EIF2B5: variants seen among roughly 807,000 people sequenced by gnomAD.
EIF2B5 encodes translation initiation factor eIF2B subunit epsilon.
Under a neutral mutation model 87.3 loss-of-function variants are expected in EIF2B5, and 38 were observed. That is an observed-to-expected ratio of 0.44 (90% CI 0.34 to 0.57). EIF2B5 has a LOEUF of 0.57. EIF2B5 is among the 20% of genes least tolerant of loss of function. The pLI, the probability that EIF2B5 is intolerant of heterozygous loss-of-function variation, is 0.02. For missense variants in EIF2B5, 784 were observed against 909.5 expected (o/e 0.86, Z 1.78); for synonymous variants, 313 against 339.6 (o/e 0.92, Z 0.86).
chr3:184,137,011 A>G (rs1713392003), intron 2 of EIF2B5: 1 of 460,560 alleles, frequency 2.2e-6, no homozygotes, highest in African/African-American at 2.0e-5. Context: ...GCTTTTATTT[A>G]ATGGCTTCAG....
chr3:184,144,188 C>G lies in EIF2B5; in HGVS notation c.1959C>G (p.Phe653Leu). 6.2e-7 allele frequency: 1 copy of G among 1,614,200 alleles called. No homozygotes were observed. The highest frequency in any genetic ancestry group is 8.5e-7 in the Non-Finnish European group (1 of 1,180,046). ...LEALAAIEDF[F>L]LEHEALGISM... ...CGTTAGCAGCCATTGAGGACTTCTT[C>G]CTAGAGCATGAAGCTCTTGGTATTT... is the stretch of plus-strand genomic sequence containing the variant. The change falls in exon 14 of 16, where the codon TTC becomes TTG. Residue 653 changes from phenylalanine (F) to leucine (L), a missense_variant. Phe to Leu is a conservative substitution (Grantham distance 22, BLOSUM62 0). Transcript: ENST00000648915.
intron 5 of EIF2B5, chr3:184,138,976 T>C: frequency 4.2e-6 from 1 of 239,156 alleles, no homozygotes; most frequent in Non-Finnish European, 8.6e-6. Flanking sequence ...TTGTTGTTGT[T>C]ATTGTTGTTT....
At position 184,143,626 on chromosome 3, in the gene EIF2B5, G is replaced by C. The variant is rs952337509; in HGVS notation, c.1869+61G>C. ...GTACAGGCAAAGGAAATCAGGAGTA[G>C]ACTGTCTTGTTATATTGGGTGTATG... On this transcript the variant is annotated intron_variant, in intron 13 of 15. Coordinates refer to ENST00000648915, the MANE Select transcript of EIF2B5 (RefSeq NM_003907.3). 5 of 1,612,446 alleles carry C rather than the reference G, an allele frequency of 3.1e-6. 1 individual carries two copies. The African/African-American group carries it at 6.7e-5, about 22-fold the overall frequency.
At position 184,140,119 on chromosome 3, in the gene EIF2B5, C is replaced by A; in HGVS notation, c.805C>A (p.Arg269=). ...LFTDNFDYQT[R]DDFVRGLLVN... is the part of the protein sequence containing the mutation. ...TACAGACAACTTTGACTACCAAACT[C>A]GAGATGACTTTGTGCGAGGTCTCTT... The change falls in exon 6 of 16, where the codon CGA becomes AGA. Residue 269 remains arginine, a synonymous_variant. Coordinates refer to ENST00000648915, the MANE Select transcript of EIF2B5 (RefSeq NM_003907.3). 1.2e-6 allele frequency: 2 copies of A among 1,613,832 alleles called. No individual in the cohort carries two copies. Among genetic ancestry groups the A allele is most frequent in the African/African-American group, 1.3e-5 (1 of 74,988 alleles).
intron 11 of EIF2B5, 39 bp from the exon 12 acceptor site, chr3:184,143,013 T>G (rs759285579): frequency 6.2e-7 from 1 of 1,601,302 alleles, no homozygotes; most frequent in African/African-American, 1.3e-5. Flanking sequence ...GCATTCTGAA[T>G]GATGTTGGCC....
At chr3:184,138,906 AC>A in intron 5 of EIF2B5, 1 of 286,062 alleles carries the variant, frequency 3.5e-6, no homozygotes. Flanking sequence ...AAGCAATCTG[AC>A]CACCTCAGCC....
At chr3:184,139,528 G>C (rs1713526014) in intron 5 of EIF2B5, among the ~76,000 whole-genome samples, 1 of 150,446 alleles carries the variant, frequency 6.6e-6, no homozygotes, top group Admixed American at 6.6e-5. Flanking sequence ...TGATCTGCCT[G>C]CCTCGGCCTC....
Position 184,141,953 on chromosome 3 carries a change from C to A in EIF2B5, c.1185C>A (p.Tyr395Ter). The change falls in exon 8 of 16, where the codon TAC becomes TAA. Residue 395 changes from tyrosine to a stop codon, truncating the protein, a stop_gained. Transcript: ENST00000648915. LOFTEE classifies it high-confidence loss of function. Reference sequence around the variant, plus strand: ...ATAACGTGGTGCTGGACCAGACCTACCTGTGGCAGGGTGTTCGAGTGGCGG... The same window carrying A: ...ATAACGTGGTGCTGGACCAGACCTAACTGTGGCAGGGTGTTCGAGTGGCGG... ...IGDNVVLDQT[Y>*]LWQGVRVAAG... The A allele has an allele frequency of 6.2e-7, 1 of 1,614,118 alleles. No homozygotes were observed. Among genetic ancestry groups the A allele is most frequent in the Non-Finnish European group, 8.5e-7 (1 of 1,180,026 alleles).
chr3:184,135,475 G>A lies in EIF2B5; in HGVS notation c.90G>A (p.Gly30=). ...SGAGPGGSGG[G]GARGAEEEPP... ...CGGGGCCGGGAGGCAGCGGTGGCGG[G>A]GGAGCCAGAGGGGCGGAGGAGGAAC... is the stretch of plus-strand genomic sequence containing the variant. Residue 30 remains glycine, a synonymous_variant, in exon 1 of 16, where the codon GGG becomes GGA. Transcript: ENST00000648915. 1 of 1,579,574 alleles carries A rather than the reference G, an allele frequency of 6.3e-7. No individual in the cohort carries two copies. The highest frequency in any genetic ancestry group is 8.6e-7 in the Non-Finnish European group (1 of 1,163,580).
chr3:184,144,391 G>A (rs1471382300), intron 14 of EIF2B5, among the ~76,000 whole-genome samples, 167 bp downstream of exon 14: 1 of 152,210 alleles, frequency 6.6e-6, no homozygotes, highest in Admixed American at 6.5e-5. Context: ...TAATAAGGTA[G>A]CCATCTGGGG....
At chr3:184,135,862 A>G (rs1713328368) in intron 1 of EIF2B5, 1 of 539,770 alleles carries the variant, frequency 1.9e-6, no homozygotes, top group African/African-American at 1.9e-5. Flanking sequence ...GCGGGGATTC[A>G]GTGCCCCTAG....
At position 184,144,907 on chromosome 3, in the gene EIF2B5, A is replaced by G. The variant is rs1236299481; in HGVS notation, c.2130A>G (p.Leu710=). Residue 710 remains leucine (L), a synonymous_variant, in exon 16 of 16, where the codon CTA becomes CTG. Coordinates refer to ENST00000648915, the MANE Select transcript of EIF2B5 (RefSeq NM_003907.3). ...AGCTGCAGAGGTTCATCCAGTGGCT[A>G]AAAGAGGCAGAAGAGGAGTCATCTG... ...NQQLQRFIQW[L]KEAEEESSED... is the part of the protein sequence containing the mutation. 1 of 1,613,762 alleles carries G rather than the reference A, an allele frequency of 6.2e-7. No homozygotes were observed. The highest frequency in any genetic ancestry group is 8.5e-7 in the Non-Finnish European group (1 of 1,179,998).
chr3:184,144,088 T>C lies in EIF2B5; in HGVS notation c.1870-11T>C. On this transcript the variant is annotated splice_polypyrimidine_tract_variant and intron_variant, in intron 13 of 15. Transcript: ENST00000648915. Reference sequence around the variant, plus strand: ...TAGGAATATACTGCAGCTCCCTTCTTTCTTCCATAGCTGCTAAAGGCCTGG... The same window carrying C: ...TAGGAATATACTGCAGCTCCCTTCTCTCTTCCATAGCTGCTAAAGGCCTGG... 6.2e-7 allele frequency: 1 copy of C among 1,614,236 alleles called. No homozygotes were observed. The highest frequency in any genetic ancestry group is 8.5e-7 in the Non-Finnish European group (1 of 1,180,040).
At chr3:184,138,884 A>G (rs1243678471) in intron 5 of EIF2B5, 1 of 290,702 alleles carries the variant, frequency 3.4e-6, no homozygotes, top group Admixed American at 4.8e-5. Context: ...CTGGTCACGA[A>G]CTCCTGAGCT....
intron 6 of EIF2B5, 97 bp downstream of exon 6, chr3:184,140,254 G>T: frequency 3.5e-6 from 5 of 1,443,070 alleles, no homozygotes; most frequent in Non-Finnish European, 4.8e-6. Flanking sequence ...TTTTATTGAG[G>T]CTTAGGAGGG....
At position 184,144,685 on chromosome 3, in the gene EIF2B5, A is replaced by G. The variant is rs767025792; in HGVS notation, c.2084A>G (p.Gln695Arg). 1 of 1,614,112 alleles carries G rather than the reference A, an allele frequency of 6.2e-7. No homozygotes were observed. Among genetic ancestry groups the G allele is most frequent in the East Asian group, 2.2e-5 (1 of 44,884 alleles). ...CAAAGAGATACAACTGACAAGGGCCAGCAGTTGCGCAAGAATCAACAGGTG... is the reference window on the plus strand; with the variant it reads ...CAAAGAGATACAACTGACAAGGGCCGGCAGTTGCGCAAGAATCAACAGGTG... ...FSQRDTTDKG[Q>R]QLRKNQQLQR... is the part of the protein sequence containing the mutation. The change falls in exon 15 of 16, where the codon CAG (glutamine) becomes CGG (arginine). Residue 695 changes from glutamine (Q) to arginine (R), a missense_variant. Gln to Arg is a conservative substitution (Grantham distance 43). Around this residue, in one of 3 missense-constraint regions of EIF2B5, gnomAD observed 660 missense variants for 789.5 expected, o/e 0.84. Transcript: ENST00000648915.
In EIF2B5 at chr3:184,142,688, T is replaced by C. The variant is rs545089904; in HGVS notation, c.1546+85T>C. 20 of 1,551,776 alleles carry C rather than the reference T, an allele frequency of 1.3e-5. No individual in the cohort carries two copies. In the East Asian group the frequency reaches 4.6e-4, roughly 36 times the overall value. ...GAATACTTCAGAGTCACATTACTTATTCACTCCTTTATTCAGGCAGACAGG... is the reference window on the plus strand; with the variant it reads ...GAATACTTCAGAGTCACATTACTTACTCACTCCTTTATTCAGGCAGACAGG... On this transcript the variant is annotated intron_variant, in intron 10 of 15. Transcript: ENST00000648915. The surrounding 1 kb of genome is among the most constrained non-coding windows in gnomAD (Gnocchi z 5.0).
In EIF2B5 at chr3:184,135,501, C is replaced by T. The variant is rs1434059701; in HGVS notation, c.116C>T (p.Pro39Leu). ...GGGARGAEEEPPPPLQAVLVA... is the reference protein window; with the variant it reads ...GGGARGAEEELPPPLQAVLVA... ...GGAGCCAGAGGGGCGGAGGAGGAACCGCCGCCGCCCCTACAAGCAGTTCTG... is the reference window on the plus strand; with the variant it reads ...GGAGCCAGAGGGGCGGAGGAGGAACTGCCGCCGCCCCTACAAGCAGTTCTG... Residue 39 changes from proline to leucine, a missense_variant, in exon 1 of 16, where the codon CCG becomes CTG. This residue lies in a region of EIF2B5 where 117 missense variants were observed against 101.0 expected (regional missense o/e 1.16). Transcript: ENST00000648915. The T allele has an allele frequency of 3.8e-6, 6 of 1,580,550 alleles. No individual in the cohort carries two copies. In the East Asian group the frequency reaches 7.0e-5, roughly 18 times the overall value.
rs151094968 is a variant in EIF2B5, at chr3:184,138,530, T to G, written c.765+284T>G. Among the ~76,000 whole-genome samples, 11 of 151,532 alleles carry G rather than the reference T, an allele frequency of 7.3e-5. 1 individual carries two copies. In the East Asian group the frequency reaches 2.1e-3, roughly 30 times the overall value. ...CCACCATGCCTGGCTAATTTTTGTA[T>G]TTTTAGTAGAGATGGGGTTTCACCA... On this transcript the variant is annotated intron_variant, in intron 5 of 15. Coordinates refer to ENST00000648915, the MANE Select transcript of EIF2B5 (RefSeq NM_003907.3).
Sources: gnomAD v4.1 joint callset for allele counts (sites outside exome capture counted in the v4.1 genomes callset) on GRCh38, gnomAD v4.1.1 for gene constraint, gnomAD v4.1.1 regional missense constraint, Gnocchi (gnomAD v3.1) non-coding constraint, MANE v1.5 for transcripts, NCBI Gene and HGNC (gene_info 2026-07-23, HGNC 2026-07-21) for gene names.